Variants in KPNB1 observed in about 807,000 individuals in gnomAD.
KPNB1 encodes karyopherin subunit beta 1, also known as importin subunit beta-1.
A neutral mutation model predicts 113.0 loss-of-function variants in KPNB1; 7 were observed. The ratio of observed to expected loss-of-function variants is 0.06; its 90% CI spans 0.04 to 0.12. The LOEUF (loss-of-function observed/expected upper bound fraction) is 0.12. Among genes scored for constraint, KPNB1 ranks in the 10% least tolerant of loss-of-function variants. The pLI, the probability that KPNB1 is intolerant of heterozygous loss-of-function variation, is 1.00. For missense variants in KPNB1, 400 were observed against 1,054.8 expected, an observed-to-expected ratio of 0.38 and a Z score of 8.60; for synonymous variants, 363 against 378.6, an observed-to-expected ratio of 0.96 and a Z score of 0.48.
At chr17:47,658,387 C>G in intron 4 of KPNB1, 121 bp from the exon 5 acceptor site, 12 of 1,065,120 alleles carry the variant, frequency 1.1e-5, no homozygotes, top group South Asian at 1.6e-5. Context: ...AGTACAGATG[C>G]AACCATCCAT....
Position 47,657,077 on chromosome 17 carries a change from T to A in KPNB1, c.483+17T>A, listed in dbSNP as rs748728169. ...CAAGATATAGTAAGTGCTTGCCTAA[T>A]GTATCTGGTTTATATACCTCTGATT... On this transcript the variant is annotated intron_variant, in intron 4 of 21. Transcript: ENST00000290158. The A allele has an allele frequency of 3.1e-6, 5 of 1,606,218 alleles. No homozygotes were observed. The South Asian group carries it at 5.5e-5, about 18-fold the overall frequency.
intron 12 of KPNB1, among the ~76,000 whole-genome samples, chr17:47,672,306 CAAA>C (rs35344546): frequency 0.07 from 10,499 of 150,678 alleles, 631 homozygotes; most frequent in East Asian, 0.26. Context: ...CTGTGCCCAT[CAAA>C]AAAAAAATCT....
At chr17:47,662,392 C>G (rs751199686) in intron 6 of KPNB1, among the ~76,000 whole-genome samples, 1 of 151,992 alleles carries the variant, frequency 6.6e-6, no homozygotes, top group Non-Finnish European at 1.5e-5. Flanking sequence ...GGAGACCAGT[C>G]TGGGCAACAT....
intron 5 of KPNB1, among the ~76,000 whole-genome samples, chr17:47,660,911 G>A (rs917089037): frequency 6.6e-6 from 1 of 152,178 alleles, no homozygotes; most frequent in Non-Finnish European, 1.5e-5. Flanking sequence ...TCATTGGAGG[G>A]CAAGTCACAT....
rs754385281 is a variant in KPNB1, at chr17:47,661,099, T to G, written c.637-20T>G. 1 of 1,600,120 alleles carries G rather than the reference T, an allele frequency of 6.2e-7. No individual in the cohort carries two copies. The highest frequency in any genetic ancestry group is 1.1e-5 in the South Asian group (1 of 90,788). On this transcript the variant is annotated intron_variant, in intron 5 of 21. Coordinates refer to ENST00000290158, the MANE Select transcript of KPNB1 (RefSeq NM_002265.6). ...CAGGTTATGCTCTCCTAATTCTCTT[T>G]ATTTTTATTCCTCCTACAGTCTGAA... is the stretch of plus-strand genomic sequence containing the variant.
intron 9 of KPNB1, 88 bp downstream of exon 9, chr17:47,665,246 G>A: frequency 1.0e-6 from 1 of 956,940 alleles, no homozygotes; most frequent in Non-Finnish European, 1.7e-6. Flanking sequence ...GAACTTCGCA[G>A]CCCATCAACT....
chr17:47,668,180 C>A lies in KPNB1; in HGVS notation c.1000-6C>A, dbSNP rs750403227. On this transcript the variant is annotated splice_polypyrimidine_tract_variant and splice_region_variant and intron_variant, in intron 9 of 21. Transcript: ENST00000290158. ...AATCTTAACTAGTGCCATATTCTTT[C>A]ACCAGGACGAAAATGATGATGACGA... 1 of 1,611,886 alleles carries A rather than the reference C, an allele frequency of 6.2e-7. No individual in the cohort carries two copies. The highest frequency in any genetic ancestry group is 1.1e-5 in the South Asian group (1 of 91,028).
intron 19 of KPNB1, among the ~76,000 whole-genome samples, chr17:47,679,197 A>G (rs1195927582): frequency 6.6e-6 from 1 of 151,734 alleles, no homozygotes; most frequent in Non-Finnish European, 1.5e-5. Context: ...AAGTGATGGG[A>G]TTTCAGGCGT....
intron 15 of KPNB1, among the ~76,000 whole-genome samples, chr17:47,675,361 G>GTTGTTTTTTTTTTTTTTTTTTTTTTTTT (rs1567894260): frequency 2.3e-5 from 2 of 88,692 alleles, no homozygotes; most frequent in Non-Finnish European, 4.6e-5. Flanking sequence ...CAGAGGTGTT[G>GTTGTTTTTTTTTTTTTTTTTTTTTTTTT]TTTTTTTTTT....
In KPNB1 at chr17:47,673,268, A is replaced by G. The variant is rs188471584; in HGVS notation, c.1695+103A>G. 59 of 1,162,970 alleles carry G rather than the reference A, an allele frequency of 5.1e-5. No individual in the cohort carries two copies. The African/African-American group carries it at 7.7e-4, about 15-fold the overall frequency. The allele number at this position is 1,162,970 out of a possible 1,614,324, so 72.0% of individuals were successfully genotyped here. A position where few individuals can be genotyped will look rare whatever the true frequency, so the allele number is the denominator to read the frequency against. On this transcript the variant is annotated intron_variant, in intron 13 of 21. Coordinates refer to ENST00000290158, the MANE Select transcript of KPNB1 (RefSeq NM_002265.6). ...TTCTGTCTTTTTAGTGTTTAAGTAT[A>G]TATTTTCTCAGAAAGATAATAAAGC...
intron 1 of KPNB1, 30 bp from the exon 2 acceptor site, chr17:47,650,356 C>G (rs995383655): frequency 1.2e-6 from 2 of 1,610,996 alleles, no homozygotes; most frequent in East Asian, 2.2e-5. Flanking sequence ...CCCTCTGACC[C>G]CGCTCCGTCT....
rs1458929213 is a variant in KPNB1 at position 47,685,251 on chromosome 17, C to T, written c.*2847C>T. Reference sequence around the variant, plus strand: ...TAGTGTTTTAACTTTCAGAACCAAGCAATCTATTTACTCTTACAAATATTT... The same window carrying T: ...TAGTGTTTTAACTTTCAGAACCAAGTAATCTATTTACTCTTACAAATATTT... On this transcript the variant is annotated 3_prime_UTR_variant, in exon 22 of 22. Coordinates refer to ENST00000290158, the MANE Select transcript of KPNB1 (RefSeq NM_002265.6). 1 of 152,156 alleles carries T rather than the reference C, an allele frequency of 6.6e-6. No individual in the cohort carries two copies. Among genetic ancestry groups the T allele is most frequent in the African/African-American group, 2.4e-5 (1 of 41,426 alleles). 9.4% of individuals were successfully genotyped at this position (152,156 alleles called of 1,614,324 possible).
In KPNB1 at chr17:47,651,445, A is replaced by T. The variant is rs1054548148; in HGVS notation, c.99+1001A>T. On this transcript the variant is annotated intron_variant, in intron 2 of 21. Coordinates refer to ENST00000290158, the MANE Select transcript of KPNB1 (RefSeq NM_002265.6). Reference sequence around the variant, plus strand: ...TTTGTGTTATATAGGCAAAATGTCAACATCAACAAAGTGACAAGGCTTATT... The same window carrying T: ...TTTGTGTTATATAGGCAAAATGTCATCATCAACAAAGTGACAAGGCTTATT... 4.4e-6 allele frequency: 3 copies of T among 680,250 alleles called. No individual in the cohort carries two copies. The African/African-American group carries it at 5.8e-5, about 13-fold the overall frequency. 42.1% of individuals were successfully genotyped at this position (680,250 alleles called of 1,614,324 possible).
In KPNB1 at chr17:47,650,561, T is replaced by TCCCC. The variant is rs1220708651; in HGVS notation, c.99+120_99+123dup. 7 of 405,854 alleles carry TCCCC rather than the reference T, an allele frequency of 1.7e-5. No homozygotes were observed. In the African/African-American group the frequency reaches 2.1e-4, roughly 12 times the overall value. 25.1% of individuals were successfully genotyped at this position (405,854 alleles called of 1,614,324 possible). A position where few individuals can be genotyped will look rare whatever the true frequency, so the allele number is the denominator to read the frequency against. On this transcript the variant is annotated intron_variant, in intron 2 of 21. Coordinates refer to ENST00000290158, the MANE Select transcript of KPNB1 (RefSeq NM_002265.6). ...CCTACCCCGCCCCATCCCGTCCCCC[T>TCCCC]CCCCCCTCCCCCTCCCCCCCCAACC...
At position 47,669,681 on chromosome 17, in the gene KPNB1, A is replaced by C. The variant is rs1436940918; in HGVS notation, c.1228A>C (p.Met410Leu). 1 of 1,591,514 alleles carries C rather than the reference A, an allele frequency of 6.3e-7. No homozygotes were observed. Among genetic ancestry groups the C allele is most frequent in the Non-Finnish European group, 8.6e-7 (1 of 1,160,776 alleles). Reference sequence around the variant, plus strand: ...CTAATAACTGTTATATTTTCAGGCTATGCCCACCCTAATAGAATTAATGAA... The same window carrying C: ...CTAATAACTGTTATATTTTCAGGCTCTGCCCACCCTAATAGAATTAATGAA... The part of the protein sequence containing the change: ...SQLKPLVIQA[M>L]PTLIELMKDP... Residue 410 changes from methionine to leucine, a missense_variant, in exon 11 of 22, where the codon ATG (methionine) becomes CTG (leucine). Physicochemically the swap from Met to Leu is conservative, Grantham distance 15. This residue lies in a region of KPNB1 where 285 missense variants were observed against 627.0 expected (regional missense o/e 0.45). Coordinates refer to ENST00000290158, the MANE Select transcript of KPNB1 (RefSeq NM_002265.6).
At chr17:47,650,777 G>A (rs1193718537) in intron 2 of KPNB1, among the ~76,000 whole-genome samples, 1 of 152,250 alleles carries the variant, frequency 6.6e-6, no homozygotes, top group Non-Finnish European at 1.5e-5. Context: ...GTGTTCAGCA[G>A]GGGTGGGGGC....
intron 9 of KPNB1, among the ~76,000 whole-genome samples, chr17:47,667,016 T>A (rs1329634249): frequency 2.0e-5 from 3 of 152,258 alleles, no homozygotes; most frequent in African/African-American, 7.2e-5. Flanking sequence ...AAGTTTACTA[T>A]GTGGTGTGAA....
At chr17:47,673,399 T>C in intron 13 of KPNB1, 91 bp from the exon 14 acceptor site, 1 of 1,144,742 alleles carries the variant, frequency 8.7e-7, no homozygotes, top group East Asian at 2.3e-5. Flanking sequence ...GTTGTTTACT[T>C]TCCTATGTTA....
chr17:47,682,304 C>T (rs553341496), intron 21 of KPNB1, 100 bp from the exon 22 acceptor site: 3 of 750,746 alleles, frequency 4.0e-6, no homozygotes, highest in African/African-American at 3.5e-5. Flanking sequence ...TGACAAATTC[C>T]ATTCAGGCCT....
Sources: gnomAD v4.1 joint callset for allele counts (sites outside exome capture counted in the v4.1 genomes callset) on GRCh38, gnomAD v4.1.1 for gene constraint, gnomAD v4.1.1 regional missense constraint, MANE v1.5 for transcripts, NCBI Gene and HGNC (gene_info 2026-07-23, HGNC 2026-07-21) for gene names.